Variants in AGBL4 observed in about 807,000 individuals in gnomAD.
AGBL4 encodes the protein AGBL carboxypeptidase 4, also known as cytosolic carboxypeptidase 6.
Under a neutral mutation model 66.4 loss-of-function variants are expected in AGBL4, and 58 were observed. The ratio of observed to expected loss-of-function variants is 0.87; its 90% CI spans 0.71 to 1.09. AGBL4 has a LOEUF of 1.09. Among genes scored for constraint, AGBL4 ranks in the 50% least tolerant of loss-of-function variants. AGBL4 has a pLI of 0.00. For missense variants in AGBL4, 579 were observed against 631.0 expected (o/e 0.92, Z 0.88); for synonymous variants, 234 against 222.9 (o/e 1.05, Z -0.44).
chr1:49,318,145 T>G (rs575313327), intron 3 of AGBL4, among the ~76,000 whole-genome samples: 165 of 152,098 alleles, frequency 1.1e-3, no homozygotes, highest in African/African-American at 3.6e-3. Context: ...CTTGACTTTT[T>G]ATTTAATAGT....
intron 4 of AGBL4, among the ~76,000 whole-genome samples, chr1:49,157,806 T>C (rs1646462760): frequency 6.6e-6 from 1 of 152,238 alleles, no homozygotes; most frequent in Admixed American, 6.5e-5. Flanking sequence ...ATTGTGGTTT[T>C]GATTTGCATT....
chr1:48,617,674 G>A (rs1472331764), intron 9 of AGBL4, among the ~76,000 whole-genome samples: 1 of 152,106 alleles, frequency 6.6e-6, no homozygotes, highest in Non-Finnish European at 1.5e-5. Context: ...CCTACGGGCT[G>A]GCCGTTGTTT....
chr1:49,800,026 A>C (rs1644821372), intron 2 of AGBL4, among the ~76,000 whole-genome samples: 1 of 152,202 alleles, frequency 6.6e-6, no homozygotes, highest in Non-Finnish European at 1.5e-5. Context: ...AACAGCTGTC[A>C]CTTCCATAGT....
chr1:49,647,944 T>A (rs1362006971), intron 3 of AGBL4, among the ~76,000 whole-genome samples: 3 of 151,656 alleles, frequency 2.0e-5, no homozygotes, highest in Non-Finnish European at 4.4e-5. Context: ...ACTAAAGGCC[T>A]ATTTATAGGA....
chr1:49,247,259 AATCAAAAGTAT>A (rs1426622196), intron 3 of AGBL4, among the ~76,000 whole-genome samples: 3 of 152,258 alleles, frequency 2.0e-5, no homozygotes, highest in Non-Finnish European at 4.4e-5. Flanking sequence ...AAAAAGAGAA[AATCAAAAGTAT>A]ATCCTCTGGC....
chr1:49,580,541 A>T (rs1025534864), intron 3 of AGBL4, among the ~76,000 whole-genome samples: 9 of 152,116 alleles, frequency 5.9e-5, no homozygotes, highest in Non-Finnish European at 1.3e-4. Flanking sequence ...TGTCCCTTCC[A>T]TGTTTATAAG....
At chr1:48,777,848 A>T (rs912501347) in intron 6 of AGBL4, among the ~76,000 whole-genome samples, 4 of 152,122 alleles carry the variant, frequency 2.6e-5, no homozygotes, top group African/African-American at 9.7e-5. Flanking sequence ...GAGCACTTTG[A>T]AGAGTACAGG....
intron 4 of AGBL4, among the ~76,000 whole-genome samples, chr1:49,217,070 A>G (rs1649153161): frequency 6.6e-6 from 1 of 152,088 alleles, no homozygotes; most frequent in Admixed American, 6.6e-5. Context: ...ATGTGCCCCT[A>G]TTAGACCTTG....
intron 3 of AGBL4, among the ~76,000 whole-genome samples, chr1:49,608,821 C>T (rs776521706): frequency 2.6e-5 from 4 of 151,972 alleles, no homozygotes; most frequent in Non-Finnish European, 4.4e-5. Context: ...ATAGAAACTA[C>T]GATTTATTGA....
intron 4 of AGBL4, among the ~76,000 whole-genome samples, chr1:49,149,046 C>CCATA (rs2148114980): frequency 1.3e-5 from 2 of 152,258 alleles, no homozygotes; most frequent in South Asian, 4.1e-4. Flanking sequence ...TGGACTTGAG[C>CCATA]TATGTATGGA....
intron 3 of AGBL4, among the ~76,000 whole-genome samples, chr1:49,521,275 T>C (rs181046473): frequency 2.6e-5 from 4 of 152,060 alleles, no homozygotes; most frequent in East Asian, 1.9e-4. Flanking sequence ...AAAATTCATA[T>C]GGTACAAAAA....
At chr1:49,191,573 A>G (rs1315408619) in intron 4 of AGBL4, among the ~76,000 whole-genome samples, 2 of 152,206 alleles carry the variant, frequency 1.3e-5, no homozygotes, top group Admixed American at 6.5e-5. Flanking sequence ...TGTCATGAGC[A>G]TAGTACCCAA....
At chr1:49,731,410 T>G (rs1460742425) in intron 2 of AGBL4, among the ~76,000 whole-genome samples, 1 of 152,152 alleles carries the variant, frequency 6.6e-6, no homozygotes, top group Non-Finnish European at 1.5e-5. Context: ...AAAGGCTTAT[T>G]TATTTATGTT....
intron 5 of AGBL4, among the ~76,000 whole-genome samples, chr1:48,975,079 G>A (rs1206246294): frequency 6.6e-6 from 1 of 152,066 alleles, no homozygotes; most frequent in Admixed American, 6.6e-5. Flanking sequence ...ATGTGAGAAA[G>A]TGAGAGATAA....
At chr1:49,373,238 A>AAACCGTACTTTATTC (rs1251145593) in intron 3 of AGBL4, among the ~76,000 whole-genome samples, 1 of 152,196 alleles carries the variant, frequency 6.6e-6, no homozygotes, top group Non-Finnish European at 1.5e-5. Flanking sequence ...TTGTGAGCAA[A>AAACCGTACTTTATTC]AACCGTACTT....
chr1:48,758,838 A>C, intron 6 of AGBL4: 1 of 1,387,298 alleles, frequency 7.2e-7, no homozygotes, highest in Non-Finnish European at 9.6e-7. Context: ...CCTTCCTGGA[A>C]GAGGATCTGC....
chr1:48,527,471 C>T, the AGBL4 span, among the ~76,000 whole-genome samples: 1 of 151,750 alleles, frequency 6.6e-6, no homozygotes, highest in Non-Finnish European at 1.5e-5. Flanking sequence ...TTGGTGCGCG[C>T]CTGTAGTCCC....
intron 3 of AGBL4, among the ~76,000 whole-genome samples, chr1:49,260,420 T>C (rs1653017695): frequency 1.3e-5 from 2 of 150,728 alleles, no homozygotes; most frequent in African/African-American, 2.4e-5. Flanking sequence ...GCAAGACTAA[T>C]AAAGAAGAAA....
At chr1:48,953,454 T>C (rs1267792635) in intron 5 of AGBL4, among the ~76,000 whole-genome samples, 4 of 152,210 alleles carry the variant, frequency 2.6e-5, no homozygotes, top group Non-Finnish European at 2.9e-5. Flanking sequence ...GTGTGTCTGA[T>C]TGACGGGGCT....
Sources: allele counts gnomAD v4.1 joint callset (sites outside exome capture counted in the v4.1 genomes callset), GRCh38; gene constraint gnomAD v4.1.1; transcripts MANE v1.5; gene names NCBI Gene and HGNC (gene_info 2026-07-23, HGNC 2026-07-21).